Variants in SEMA6D observed in about 807,000 individuals in gnomAD.
SEMA6D encodes semaphorin 6D.
SEMA6D carries 35 observed loss-of-function variants against 106.6 expected under a neutral mutation model. That is an observed-to-expected ratio of 0.33 (90% confidence interval 0.25 to 0.44). The LOEUF (loss-of-function observed/expected upper bound fraction) is 0.44, where lower values mean the gene tolerates loss of function less well. Ranked by LOEUF, SEMA6D falls within the 20% of genes least tolerant of loss-of-function variation. SEMA6D has a pLI of 1.00. For missense variants in SEMA6D, 1,185 were observed against 1,345.9 expected (o/e 0.88, Z 1.87); for synonymous variants, 499 against 487.7 (o/e 1.02, Z -0.31).
intron 1 of SEMA6D, among the ~76,000 whole-genome samples, chr15:47,393,662 G>A (rs535191928): frequency 6.6e-6 from 1 of 152,130 alleles, no homozygotes; most frequent in Admixed American, 6.6e-5. Context: ...AACAACACTG[G>A]TTAGCAGCAT....
intron 2 of SEMA6D, among the ~76,000 whole-genome samples, chr15:47,467,761 T>C (rs1257666564): frequency 5.9e-5 from 9 of 152,040 alleles, no homozygotes. Flanking sequence ...TCTTTATCAC[T>C]GTCGTAATTA....
intron 1 of SEMA6D, among the ~76,000 whole-genome samples, chr15:47,315,135 G>A (rs1263936501): frequency 6.6e-6 from 1 of 151,936 alleles, no homozygotes; most frequent in Non-Finnish European, 1.5e-5. Context: ...CAAAGTGCTG[G>A]GATTACAAGC....
chr15:47,261,591 A>G (rs894317795), intron 1 of SEMA6D, among the ~76,000 whole-genome samples: 3 of 152,146 alleles, frequency 2.0e-5, no homozygotes, highest in African/African-American at 7.2e-5. Flanking sequence ...AATATGTCCA[A>G]CCATAACCAC....
chr15:47,389,809 T>C (rs2039966652), intron 1 of SEMA6D, among the ~76,000 whole-genome samples: 1 of 152,216 alleles, frequency 6.6e-6, no homozygotes, highest in Admixed American at 6.5e-5. Context: ...GTGAGTATTA[T>C]TAGTTCTGCC....
chr15:47,261,151 G>T (rs556937121), intron 1 of SEMA6D, among the ~76,000 whole-genome samples: 1 of 152,152 alleles, frequency 6.6e-6, no homozygotes, highest in Admixed American at 6.5e-5. Context: ...TTAATTGGCT[G>T]TGTGGCTTAT....
At chr15:47,692,019 G>A (rs965357453) in intron 4 of SEMA6D, among the ~76,000 whole-genome samples, 3 of 152,196 alleles carry the variant, frequency 2.0e-5, no homozygotes, top group African/African-American at 7.2e-5. Context: ...AAGAGGAAAA[G>A]CATTTCTAGC....
At chr15:47,682,214 C>A (rs1023611941) in intron 4 of SEMA6D, among the ~76,000 whole-genome samples, 2 of 150,878 alleles carry the variant, frequency 1.3e-5, no homozygotes, top group Admixed American at 6.6e-5. Flanking sequence ...TTCACCCATG[C>A]TGGACTGCAG....
At chr15:47,418,102 T>G (rs2041036423) in intron 2 of SEMA6D, among the ~76,000 whole-genome samples, 1 of 152,016 alleles carries the variant, frequency 6.6e-6, no homozygotes, top group African/African-American at 2.4e-5. Flanking sequence ...GGGCTGAACT[T>G]TACATGGAGT....
At chr15:47,729,334 TC>T (rs1567035172) in intron 1 of SEMA6D, among the ~76,000 whole-genome samples, 1 of 152,148 alleles carries the variant, frequency 6.6e-6, no homozygotes, top group Non-Finnish European at 1.5e-5. Flanking sequence ...TTATTTCTTC[TC>T]AGGGTGTATA....
At chr15:47,271,276 G>C (rs1430287960) in intron 1 of SEMA6D, among the ~76,000 whole-genome samples, 1 of 152,274 alleles carries the variant, frequency 6.6e-6, no homozygotes, top group East Asian at 1.9e-4. Context: ...AAAGGAAGTG[G>C]GTCTAGGGTT....
intron 1 of SEMA6D, among the ~76,000 whole-genome samples, chr15:47,254,869 G>A (rs1027518285): frequency 1.6e-5 from 2 of 121,334 alleles, no homozygotes; most frequent in African/African-American, 6.5e-5. Context: ...ATATTGACCT[G>A]TGGTTTTGTG....
intron 2 of SEMA6D, among the ~76,000 whole-genome samples, chr15:47,437,012 AAAAGAAAG>A (rs899595148): frequency 7.8e-6 from 1 of 127,668 alleles, no homozygotes. Flanking sequence ...GGAGGGAAAG[AAAAGAAAG>A]AAAGAGAGAA....
intron 4 of SEMA6D, among the ~76,000 whole-genome samples, chr15:47,660,272 T>A (rs760334118): frequency 3.3e-5 from 5 of 152,118 alleles, no homozygotes; most frequent in Non-Finnish European, 5.9e-5. Flanking sequence ...GTAAGATATT[T>A]CTTGAAAAGT....
chr15:47,742,293 TA>T (rs57184893), intron 1 of SEMA6D, among the ~76,000 whole-genome samples: 46,795 of 151,574 alleles, frequency 0.31, 8,009 homozygotes, highest in African/African-American at 0.44. Flanking sequence ...CTTGTCCCTT[TA>T]AAAAAAAACC....
chr15:47,691,283 A>T (rs1313903819), intron 4 of SEMA6D, among the ~76,000 whole-genome samples: 2 of 152,122 alleles, frequency 1.3e-5, no homozygotes, highest in African/African-American at 4.8e-5. Flanking sequence ...GTAACCCATG[A>T]TAGTAATCAC....
chr15:47,424,836 G>C (rs970316828), intron 2 of SEMA6D, among the ~76,000 whole-genome samples: 1 of 152,136 alleles, frequency 6.6e-6, no homozygotes, highest in Non-Finnish European at 1.5e-5. Context: ...GTGCATGGGA[G>C]TCATACAAAA....
chr15:47,363,178 A>T (rs199846383), intron 1 of SEMA6D, among the ~76,000 whole-genome samples: 2 of 152,180 alleles, frequency 1.3e-5, no homozygotes, highest in East Asian at 3.9e-4. Context: ...ACAAATGAAG[A>T]TCTGAGGCAT....
At chr15:47,526,861 C>T (rs207475469) in intron 3 of SEMA6D, among the ~76,000 whole-genome samples, 1 of 152,086 alleles carries the variant, frequency 6.6e-6, no homozygotes, top group African/African-American at 2.4e-5. Context: ...CTCAGCCTCC[C>T]GAGTAGCTGA....
At chr15:47,447,389 C>G (rs1025562273) in intron 2 of SEMA6D, among the ~76,000 whole-genome samples, 7 of 152,100 alleles carry the variant, frequency 4.6e-5, no homozygotes, top group Non-Finnish European at 8.8e-5. Context: ...GAGTCTGTCA[C>G]CAATGGCCAA....
Sources: gnomAD v4.1 joint callset for allele counts (sites outside exome capture counted in the v4.1 genomes callset) on GRCh38, gnomAD v4.1.1 for gene constraint, MANE v1.5 for transcripts, NCBI Gene and HGNC (gene_info 2026-07-23, HGNC 2026-07-21) for gene names.